The following XIRP2 variants were observed in gnomAD, a reference collection of about 807,000 sequenced individuals.
XIRP2 encodes the protein xin actin binding repeat containing 2, also known as xin actin-binding repeat-containing protein 2.
XIRP2 carries 236 observed loss-of-function variants against 277.0 expected under a neutral mutation model. The observed-to-expected ratio is 0.85, with a 90% CI of 0.77 to 0.95. The LOEUF (loss-of-function observed/expected upper bound fraction) is 0.95, where lower values mean the gene tolerates loss of function less well. Ranked by LOEUF, XIRP2 falls within the 40% of genes least tolerant of loss-of-function variation. The pLI is 0.00. For synonymous variants in XIRP2, 1,490 were observed against 1,416.5 expected (o/e 1.05, Z -1.17); for missense variants, 4,640 against 4,157.5 (o/e 1.12, Z -3.19).
At chr2:167,072,279 A>G (rs116081579) in intron 2 of XIRP2, among the ~76,000 whole-genome samples, 2,102 of 152,272 alleles carry the variant, frequency 0.014, 9 homozygotes, top group Admixed American at 0.022. Context: ...ATGGGAGGGT[A>G]TATATAGAAA....
intron 3 of XIRP2, among the ~76,000 whole-genome samples, chr2:167,186,906 T>C (rs141980853): frequency 5.9e-4 from 90 of 152,150 alleles, no homozygotes; most frequent in African/African-American, 2.0e-3. Flanking sequence ...CAAACTAATG[T>C]TTTACATATC....
At chr2:167,012,436 A>G (rs1220317634) in intron 2 of XIRP2, among the ~76,000 whole-genome samples, 1 of 151,720 alleles carries the variant, frequency 6.6e-6, no homozygotes, top group Admixed American at 6.6e-5. Flanking sequence ...AACTGATGTA[A>G]GCAAATGATT....
intron 3 of XIRP2, among the ~76,000 whole-genome samples, chr2:167,188,071 A>G (rs1308548723): frequency 1.3e-5 from 2 of 152,204 alleles, no homozygotes; most frequent in Non-Finnish European, 2.9e-5. Flanking sequence ...GAATAAGACT[A>G]AAGAATCAGG....
chr2:167,225,697 A>G lies in XIRP2; in HGVS notation c.858+7397A>G, dbSNP rs190670790. Reference sequence around the variant, plus strand: ...GAAAACAAAGAACAAAAACAGCACAAACATTGTTCTCAAGAGGCATATAAA... The same window carrying G: ...GAAAACAAAGAACAAAAACAGCACAGACATTGTTCTCAAGAGGCATATAAA... On this transcript the variant is annotated intron_variant, in intron 5 of 10. Transcript: ENST00000409195. Among the ~76,000 whole-genome samples, 3 of 152,294 alleles carry G rather than the reference A, an allele frequency of 2.0e-5. No individual in the cohort carries two copies. In the East Asian group the frequency reaches 5.8e-4, roughly 29 times the overall value.
rs570166249 is a variant in XIRP2, at chr2:167,232,041, C to T, written c.859-7814C>T. On this transcript the variant is annotated intron_variant, in intron 5 of 10. Transcript: ENST00000409195. ...CACTCTCCACCCCTGCCACCCATTG[C>T]CTCTTCAATAAATTCCCTTTTCTGT... 1.4e-4 allele frequency among the ~76,000 whole-genome samples: 22 copies of T among 152,066 alleles called. No homozygotes were observed. The South Asian group carries it at 2.3e-3, about 16-fold the overall frequency.
At chr2:166,939,465 G>A (rs1372531665) in intron 2 of XIRP2, among the ~76,000 whole-genome samples, 3 of 151,932 alleles carry the variant, frequency 2.0e-5, no homozygotes, top group East Asian at 1.9e-4. Flanking sequence ...CGGATCACAA[G>A]GTCAGGAGAT....
At chr2:166,921,436 C>A (rs902709364) in intron 2 of XIRP2, among the ~76,000 whole-genome samples, 1 of 152,084 alleles carries the variant, frequency 6.6e-6, no homozygotes, top group Non-Finnish European at 1.5e-5. Context: ...ACTTCTATCT[C>A]ATCTACATGG....
intron 2 of XIRP2, among the ~76,000 whole-genome samples, chr2:167,002,702 T>C (rs1471419369): frequency 1.3e-5 from 2 of 152,006 alleles, no homozygotes; most frequent in African/African-American, 4.8e-5. Context: ...GTTAAATTCT[T>C]TGAAAGTAAT....
At chr2:166,931,379 G>C (rs1481869246) in intron 2 of XIRP2, among the ~76,000 whole-genome samples, 1 of 152,046 alleles carries the variant, frequency 6.6e-6, no homozygotes, top group Non-Finnish European at 1.5e-5. Flanking sequence ...GCATCTCTTA[G>C]AGCAAAATTT....
At position 166,983,337 on chromosome 2, in the gene XIRP2, G is replaced by T. The variant is rs575263864; in HGVS notation, c.408+79447G>T. On this transcript the variant is annotated intron_variant, in intron 2 of 10. Coordinates refer to ENST00000409195, the MANE Select transcript of XIRP2 (RefSeq NM_152381.6). ...TTGATAGATTATATTTCTTTCCCAA[G>T]TTTTTGTTTCTTGTCATTTATTAAG... Among the ~76,000 whole-genome samples, 10 of 151,992 alleles carry T rather than the reference G, an allele frequency of 6.6e-5. No individual in the cohort carries two copies. The South Asian group carries it at 2.1e-3, about 32-fold the overall frequency.
intron 6 of XIRP2, among the ~76,000 whole-genome samples, 172 bp from the exon 7 acceptor site, chr2:167,240,492 C>A (rs1230520890): frequency 1.3e-5 from 2 of 152,080 alleles, no homozygotes; most frequent in Admixed American, 6.5e-5. Context: ...CAAATATATT[C>A]TTTTATAAGC....
At chr2:167,086,038 C>A (rs1314492992) in intron 2 of XIRP2, among the ~76,000 whole-genome samples, 3 of 151,880 alleles carry the variant, frequency 2.0e-5, no homozygotes, top group African/African-American at 4.8e-5. Context: ...TTCCTAGTCT[C>A]GATGGTCTTT....
intron 2 of XIRP2, among the ~76,000 whole-genome samples, chr2:166,912,991 G>A (rs757302235): frequency 3.3e-5 from 5 of 152,266 alleles, no homozygotes; most frequent in South Asian, 2.1e-4. Flanking sequence ...TTACTCGGCC[G>A]TGTGAGGTGT....
chr2:166,912,032 C>T (rs1684722305), intron 2 of XIRP2, among the ~76,000 whole-genome samples: 1 of 152,166 alleles, frequency 6.6e-6, no homozygotes, highest in Admixed American at 6.5e-5. Flanking sequence ...TTTCTGTCTG[C>T]CCTTAACATT....
At position 166,960,538 on chromosome 2, in the gene XIRP2, G is replaced by A. The variant is rs552195882; in HGVS notation, c.408+56648G>A. ...AAGGAATGAGCTGCCTTAGTTTTTC[G>A]TCTCTACACCACTCTTGAAAGGACA... On this transcript the variant is annotated intron_variant, in intron 2 of 10. Coordinates refer to ENST00000409195, the MANE Select transcript of XIRP2 (RefSeq NM_152381.6). Among the ~76,000 whole-genome samples, 124 of 151,536 alleles carry A rather than the reference G, an allele frequency of 8.2e-4. 1 individual carries two copies. Among genetic ancestry groups the A allele is most frequent in the South Asian group, 1.9e-3 (9 of 4,810 alleles).
chr2:167,095,990 C>T (rs913284002), intron 2 of XIRP2, among the ~76,000 whole-genome samples: 2 of 149,062 alleles, frequency 1.3e-5, no homozygotes, highest in African/African-American at 4.9e-5. Flanking sequence ...TCTTCTGCCT[C>T]TGCCTCCCAA....
rs1399793404 is a variant in XIRP2, at chr2:167,243,846, G to C, written c.2454G>C (p.Glu818Asp). Reference sequence around the variant, plus strand: ...GGTTATTTGAAACCCAACCTTTGGAGAAAATCAAAGAGTCAGAAGAGGTCA... The same window carrying C: ...GGTTATTTGAAACCCAACCTTTGGACAAAATCAAAGAGTCAGAAGAGGTCA... Reference protein sequence around the residue: ...AKWLFETQPLEKIKESEEVII... With the variant: ...AKWLFETQPLDKIKESEEVII... The change falls in exon 9 of 11, where the codon GAG becomes GAC. Residue 818 changes from glutamate (E) to aspartate (D), a missense_variant. Glu to Asp is a conservative substitution (Grantham distance 45). Transcript: ENST00000409195. The C allele has an allele frequency of 1.9e-6, 3 of 1,613,662 alleles. No homozygotes were observed. Among genetic ancestry groups the C allele is most frequent in the African/African-American group, 1.3e-5 (1 of 74,842 alleles).
At chr2:166,988,371 C>T (rs1329380862) in intron 2 of XIRP2, among the ~76,000 whole-genome samples, 1 of 152,080 alleles carries the variant, frequency 6.6e-6, no homozygotes, top group Non-Finnish European at 1.5e-5. Context: ...AGTCGAGACA[C>T]AGGAGGCATG....
In XIRP2 at chr2:167,135,981, G is replaced by A. The variant is rs1233570641; in HGVS notation, c.481G>A (p.Val161Met). 2 of 1,612,298 alleles carry A rather than the reference G, an allele frequency of 1.2e-6. No individual in the cohort carries two copies. The highest frequency in any genetic ancestry group is 3.4e-5 in the Admixed American group (2 of 59,586). The change falls in exon 3 of 11, where the codon GTG becomes ATG. Residue 161 changes from valine to methionine, a missense_variant. By Grantham distance (21) the Val-to-Met change is conservative. Coordinates refer to ENST00000409195, the MANE Select transcript of XIRP2 (RefSeq NM_152381.6). ...CCCTGGGAGCCAGCTGGAGGATTCTGTGAAAGATTCAGACAAGAAAGGCAA... is the reference window on the plus strand; with the variant it reads ...CCCTGGGAGCCAGCTGGAGGATTCTATGAAAGATTCAGACAAGAAAGGCAA... ...SHPGSQLEDS[V>M]KDSDKKGKET... is the part of the protein sequence containing the mutation.
Sources: gnomAD v4.1 joint callset for allele counts (sites outside exome capture counted in the v4.1 genomes callset) on GRCh38, gnomAD v4.1.1 for gene constraint, MANE v1.5 for transcripts, NCBI Gene and HGNC (gene_info 2026-07-23, HGNC 2026-07-21) for gene names.